JOSD1: variants seen among roughly 807,000 people sequenced by gnomAD.
The protein encoded by JOSD1 is Josephin domain containing 1, also known as josephin-1.
JOSD1 carries 11 observed loss-of-function variants against 24.3 expected under a neutral mutation model. The observed-to-expected ratio is 0.45, with a 90% confidence interval of 0.29 to 0.75. The LOEUF (loss-of-function observed/expected upper bound fraction) is 0.75. Ranked by LOEUF, JOSD1 falls within the 30% of genes least tolerant of loss-of-function variation. The probability of loss-of-function intolerance (pLI) is 0.11; values close to 1 mark genes in which losing one functional copy is unlikely to be tolerated. For synonymous variants in JOSD1, 106 were observed against 93.8 expected (o/e 1.13, Z -0.75); for missense variants, 184 against 253.5 (o/e 0.73, Z 1.86).
In JOSD1 at chr22:38,700,027, C is replaced by T. The variant is rs764302618; in HGVS notation, c.-40G>A. On this transcript the variant is annotated 5_prime_UTR_variant, in exon 2 of 5. Transcript: ENST00000683374. ...GTTCCAGAGATGGCTATAAACACCC[C>T]ACTCTTCCCTCTAGAGGAAGAATGT... The T allele has an allele frequency of 4.5e-6, 7 of 1,543,340 alleles. No homozygotes were observed. The highest frequency in any genetic ancestry group is 3.5e-4 in the Middle Eastern group (2 of 5,706).
rs534583124 is a variant in JOSD1 at position 38,700,570 on chromosome 22, G to A, written c.-583C>T. On this transcript the variant is annotated 5_prime_UTR_variant, in exon 2 of 5. Coordinates refer to ENST00000683374, the MANE Select transcript of JOSD1 (RefSeq NM_001360236.2). ...CCCCTCGGGTACGGTGGGGCCCGCAGGGCGCGGCTCCCTCGGAAGGCGCGG... is the reference window on the plus strand; with the variant it reads ...CCCCTCGGGTACGGTGGGGCCCGCAAGGCGCGGCTCCCTCGGAAGGCGCGG... 23 of 985,362 alleles carry A rather than the reference G, an allele frequency of 2.3e-5. No homozygotes were observed. The highest frequency in any genetic ancestry group is 1.7e-4 in the African/African-American group (10 of 57,366). The allele number at this position is 985,362 out of a possible 1,614,324, so 61.0% of individuals were successfully genotyped here.
At chr22:38,695,261 T>C (rs1429579673) in intron 2 of JOSD1, among the ~76,000 whole-genome samples, 2 of 152,140 alleles carry the variant, frequency 1.3e-5, no homozygotes, top group African/African-American at 4.8e-5. Flanking sequence ...CTTTTCTCAG[T>C]TATAACCACC....
chr22:38,698,537 G>C (rs945963997), intron 2 of JOSD1, among the ~76,000 whole-genome samples: 9 of 152,160 alleles, frequency 5.9e-5, no homozygotes, highest in African/African-American at 2.2e-4. Flanking sequence ...TAAGAAAAAG[G>C]TCTTCTGGAA....
chr22:38,700,718 C>A, intron 1 of JOSD1, 82 bp downstream of exon 1: 1 of 979,188 alleles, frequency 1.0e-6, no homozygotes, highest in Non-Finnish European at 1.2e-6. Context: ...CGGCGAAGGG[C>A]TGGCCCGCGA....
Sources: gnomAD v4.1 joint callset for allele counts (sites outside exome capture counted in the v4.1 genomes callset) on GRCh38, gnomAD v4.1.1 for gene constraint, MANE v1.5 for transcripts, NCBI Gene and HGNC (gene_info 2026-07-23, HGNC 2026-07-21) for gene names.